The following MEDAG variants were observed in gnomAD, a reference collection of about 807,000 sequenced individuals.
The protein encoded by MEDAG is mesenteric estrogen-dependent adipogenesis protein.
In MEDAG, 25 loss-of-function variants were observed where a neutral mutation model predicts 29.9. The observed-to-expected ratio is 0.84, with a 90% CI of 0.61 to 1.17. The LOEUF (loss-of-function observed/expected upper bound fraction) is 1.17. MEDAG is among the 50% of genes most tolerant of loss of function. The pLI, the probability that MEDAG is intolerant of heterozygous loss-of-function variation, is 0.00. For missense variants in MEDAG, 398 were observed against 372.9 expected, an observed-to-expected ratio of 1.07 and a Z score of -0.56; for synonymous variants, 158 against 148.2, an observed-to-expected ratio of 1.07 and a Z score of -0.48.
At chr13:30,921,400 G>A (rs986609971) in intron 3 of MEDAG, among the ~76,000 whole-genome samples, 161 bp from the exon 4 acceptor site, 1 of 152,196 alleles carries the variant, frequency 6.6e-6, no homozygotes. Flanking sequence ...CAAATGCAAA[G>A]TTTTGTTAGA....
intron 2 of MEDAG, among the ~76,000 whole-genome samples, chr13:30,919,992 A>G (rs1952967206): frequency 6.6e-6 from 1 of 152,232 alleles, no homozygotes; most frequent in African/African-American, 2.4e-5. Context: ...AATCAACACC[A>G]AAAAAATCTG....
At chr13:30,919,069 A>C (rs1952957203) in intron 2 of MEDAG, among the ~76,000 whole-genome samples, 1 of 152,216 alleles carries the variant, frequency 6.6e-6, no homozygotes, top group Admixed American at 6.5e-5. Context: ...TAGCCTATAG[A>C]ATGTATGAAG....
At position 30,906,600 on chromosome 13, in the gene MEDAG, G is replaced by A; in HGVS notation, c.85G>A (p.Asp29Asn). ...GGAGCTTCGCAGCCTGTGGACCTGC[G>A]ACTGCGAGCTGGCCCTGCTGCCGCT... ...SGELRSLWTC[D>N]CELALLPLAQ... The change falls in exon 1 of 5, where the codon GAC becomes AAC. Residue 29 changes from aspartate (D) to asparagine (N), a missense_variant. Physicochemically the swap from Asp to Asn is conservative, Grantham distance 23 (BLOSUM62 1). Coordinates refer to ENST00000380482, the MANE Select transcript of MEDAG (RefSeq NM_032849.4). 1 of 1,586,876 alleles carries A rather than the reference G, an allele frequency of 6.3e-7. No individual in the cohort carries two copies. Among genetic ancestry groups the A allele is most frequent in the Non-Finnish European group, 8.5e-7 (1 of 1,175,370 alleles).
At chr13:30,921,868 A>T (rs377232774) in intron 4 of MEDAG, 22 bp downstream of exon 4, 1 of 1,575,138 alleles carries the variant, frequency 6.3e-7, no homozygotes, top group Non-Finnish European at 8.6e-7. Context: ...ATTCCGAAGG[A>T]TATGTGGAAG....
chr13:30,911,688 A>G (rs1445346591), intron 1 of MEDAG, among the ~76,000 whole-genome samples: 1 of 152,164 alleles, frequency 6.6e-6, no homozygotes, highest in Non-Finnish European at 1.5e-5. Flanking sequence ...TGGACACGTG[A>G]ATACAGAGAA....
chr13:30,906,500 G>A lies in MEDAG; in HGVS notation c.-16G>A. On this transcript the variant is annotated 5_prime_UTR_variant, in exon 1 of 5. Coordinates refer to ENST00000380482, the MANE Select transcript of MEDAG (RefSeq NM_032849.4). ...ACCGGACGGAAGCAGGCGGTGTGAG[G>A]ACCGACGACGCGGGCATGGCGGGGG... is the stretch of plus-strand genomic sequence containing the variant. 1 of 1,500,858 alleles carries A rather than the reference G, an allele frequency of 6.7e-7. No individual in the cohort carries two copies. Among genetic ancestry groups the A allele is most frequent in the Non-Finnish European group, 8.8e-7 (1 of 1,132,264 alleles). 93.0% of individuals were successfully genotyped at this position (1,500,858 alleles called of 1,614,324 possible). A position where few individuals can be genotyped will look rare whatever the true frequency, so the allele number is the denominator to read the frequency against.
chr13:30,918,367 C>T (rs566510127), intron 2 of MEDAG, among the ~76,000 whole-genome samples: 4 of 152,204 alleles, frequency 2.6e-5, no homozygotes, highest in Admixed American at 6.5e-5. Context: ...AACTAGGATG[C>T]GTAATTATCC....
chr13:30,923,523 T>C (rs573203248), intron 4 of MEDAG, among the ~76,000 whole-genome samples: 6 of 152,316 alleles, frequency 3.9e-5, no homozygotes, highest in African/African-American at 1.2e-4. Context: ...TTCAGCTTTC[T>C]CTGCCTGGGA....
chr13:30,921,579 G>A lies in MEDAG; in HGVS notation c.520G>A (p.Val174Met), dbSNP rs1411054074. ...CTTTCAGTTTGATTTTCAAGAGGCA[G>A]TGAAGAATTTCTTCCCCCCAGGAAA... Reference protein sequence around the residue: ...YRLQFDFQEAVKNFFPPGNEV... With the variant: ...YRLQFDFQEAMKNFFPPGNEV... The change falls in exon 4 of 5, where the codon GTG (valine) becomes ATG (methionine). Residue 174 changes from valine to methionine, a missense_variant. Val to Met is a conservative substitution (Grantham distance 21). Coordinates refer to ENST00000380482, the MANE Select transcript of MEDAG (RefSeq NM_032849.4). The A allele has an allele frequency of 6.2e-7, 1 of 1,606,958 alleles. No individual in the cohort carries two copies. Among genetic ancestry groups the A allele is most frequent in the Non-Finnish European group, 8.5e-7 (1 of 1,177,796 alleles).
At chr13:30,909,609 A>G (rs1297932177) in intron 1 of MEDAG, among the ~76,000 whole-genome samples, 1 of 152,222 alleles carries the variant, frequency 6.6e-6, no homozygotes, top group Non-Finnish European at 1.5e-5. Flanking sequence ...CTGACCATCC[A>G]GGATGTTCAT....
intron 1 of MEDAG, among the ~76,000 whole-genome samples, chr13:30,907,875 C>T (rs1952845092): frequency 6.6e-6 from 1 of 152,214 alleles, no homozygotes; most frequent in South Asian, 2.1e-4. Context: ...GGAGAAAAAA[C>T]CTTGCTTTTC....
intron 1 of MEDAG, among the ~76,000 whole-genome samples, chr13:30,913,989 C>T (rs893336867): frequency 2.0e-5 from 3 of 152,124 alleles, no homozygotes; most frequent in Non-Finnish European, 2.9e-5. Context: ...TTGCAGTGAG[C>T]CAAGACTGTG....
At chr13:30,910,218 A>ACACC (rs376184200) in intron 1 of MEDAG, among the ~76,000 whole-genome samples, 1 of 151,390 alleles carries the variant, frequency 6.6e-6, no homozygotes, top group Non-Finnish European at 1.5e-5. Flanking sequence ...ACACACACAC[A>ACACC]TGTTTTTTCC....
At chr13:30,924,080 T>TATTA (rs1299434510) in intron 4 of MEDAG, among the ~76,000 whole-genome samples, 1 of 152,176 alleles carries the variant, frequency 6.6e-6, no homozygotes, top group Admixed American at 6.5e-5. Flanking sequence ...TGAAAGAGTA[T>TATTA]ATTAAGCTCA....
In MEDAG at chr13:30,906,435, C is replaced by G. The variant is rs1593500832; in HGVS notation, c.-81C>G. ...GCTGACGCAGGCAGGGCGCCCGGCC[C>G]CTCCTGGGGACCATCAGGTGCCGGC... On this transcript the variant is annotated 5_prime_UTR_variant, in exon 1 of 5. Transcript: ENST00000380482. 1.5e-6 allele frequency: 2 copies of G among 1,344,588 alleles called. No individual in the cohort carries two copies. The highest frequency in any genetic ancestry group is 5.7e-5 in the East Asian group (2 of 35,368). 83.3% of individuals were successfully genotyped at this position (1,344,588 alleles called of 1,614,324 possible).
At position 30,906,627 on chromosome 13, in the gene MEDAG, G is replaced by C; in HGVS notation, c.112G>C (p.Ala38Pro). 6.3e-7 allele frequency: 1 copy of C among 1,582,044 alleles called. No homozygotes were observed. Among genetic ancestry groups the C allele is most frequent in the South Asian group, 1.1e-5 (1 of 88,488 alleles). Residue 38 changes from alanine to proline, a missense_variant, in exon 1 of 5, where the codon GCT becomes CCT. By Grantham distance (27) the Ala-to-Pro change is conservative (BLOSUM62 -1). Coordinates refer to ENST00000380482, the MANE Select transcript of MEDAG (RefSeq NM_032849.4). ...CTGCGAGCTGGCCCTGCTGCCGCTGGCTCAGCTGCTGCGCCTGCAGCCCGG... is the reference window on the plus strand; with the variant it reads ...CTGCGAGCTGGCCCTGCTGCCGCTGCCTCAGCTGCTGCGCCTGCAGCCCGG... ...CDCELALLPL[A>P]QLLRLQPGAF... is the part of the protein sequence containing the mutation.
chr13:30,924,544 C>T lies in MEDAG; in HGVS notation c.*109C>T. ...CAGATACTTCCACCTGCGTGTCAAT[C>T]TCCGGCTCCTCCATGGCTTCTATGG... is the stretch of plus-strand genomic sequence containing the variant. On this transcript the variant is annotated 3_prime_UTR_variant, in exon 5 of 5. Transcript: ENST00000380482. 1.7e-6 allele frequency: 2 copies of T among 1,151,742 alleles called. No homozygotes were observed. Among genetic ancestry groups the T allele is most frequent in the Non-Finnish European group, 1.2e-6 (1 of 820,984 alleles). 71.3% of individuals were successfully genotyped at this position (1,151,742 alleles called of 1,614,324 possible). A position where few individuals can be genotyped will look rare whatever the true frequency, so the allele number is the denominator to read the frequency against.
chr13:30,917,540 C>A lies in MEDAG; in HGVS notation c.388+28C>A, dbSNP rs756008683. 7.4e-6 allele frequency: 9 copies of A among 1,212,578 alleles called. No homozygotes were observed. The African/African-American group carries it at 1.1e-4, about 14-fold the overall frequency. The allele number at this position is 1,212,578 out of a possible 1,614,324, so 75.1% of individuals were successfully genotyped here. A position where few individuals can be genotyped will look rare whatever the true frequency, so the allele number is the denominator to read the frequency against. On this transcript the variant is annotated intron_variant, in intron 2 of 4. Transcript: ENST00000380482. ...AAGTATCTATATTAGTCCATTTTCA[C>A]ACTGCTATAAAGAAATACCTAAAAC... is the stretch of plus-strand genomic sequence containing the variant.
chr13:30,914,826 A>G (rs539490364), intron 1 of MEDAG, among the ~76,000 whole-genome samples: 8 of 152,264 alleles, frequency 5.3e-5, no homozygotes, highest in Non-Finnish European at 8.8e-5. Flanking sequence ...CATTTGTGTC[A>G]TCAGAAAAGG....
Sources: gnomAD v4.1 joint callset for allele counts (sites outside exome capture counted in the v4.1 genomes callset) on GRCh38, gnomAD v4.1.1 for gene constraint, MANE v1.5 for transcripts, NCBI Gene and HGNC (gene_info 2026-07-23, HGNC 2026-07-21) for gene names.